Variants in ZSCAN5A observed in about 807,000 individuals in gnomAD.
The protein encoded by ZSCAN5A is zinc finger and SCAN domain-containing protein 5A.
A neutral mutation model predicts 23.7 loss-of-function variants in ZSCAN5A; 12 were observed. The observed-to-expected ratio is 0.51, with a 90% CI of 0.32 to 0.82. ZSCAN5A has a LOEUF of 0.82. ZSCAN5A is among the 40% of genes least tolerant of loss of function. ZSCAN5A has a pLI of 0.03. For synonymous variants in ZSCAN5A, 257 were observed against 239.9 expected (o/e 1.07, Z -0.66); for missense variants, 597 against 617.9 (o/e 0.97, Z 0.36).
intron 2 of ZSCAN5A, chr19:56,228,199 A>C (rs1600001459): frequency 2.0e-6 from 2 of 984,162 alleles, no homozygotes; most frequent in Non-Finnish European, 2.4e-6. Context: ...TCTGAAACCA[A>C]CCCCCGACAT....
intron 2 of ZSCAN5A, among the ~76,000 whole-genome samples, chr19:56,233,612 CTT>C (rs35551923): frequency 1.5e-3 from 204 of 135,416 alleles, no homozygotes; most frequent in Middle Eastern, 3.8e-3. Context: ...ATGAAATCAC[CTT>C]TTTTTTTTTT....
chr19:56,283,841 T>C (rs2038900299), intron 2 of ZSCAN5A: 2 of 152,242 alleles, frequency 1.3e-5, no homozygotes, highest in African/African-American at 2.4e-5. Context: ...GGACAGAGCT[T>C]GGCTCCTCTT....
intron 2 of ZSCAN5A, among the ~76,000 whole-genome samples, chr19:56,269,292 A>C (rs1205378213): frequency 6.6e-6 from 1 of 152,206 alleles, no homozygotes; most frequent in Admixed American, 6.5e-5. Context: ...ATATACTTTA[A>C]AACATTCACA....
At chr19:56,263,589 C>T (rs2037266598) in intron 2 of ZSCAN5A, 1 of 152,134 alleles carries the variant, frequency 6.6e-6, no homozygotes, top group African/African-American at 2.4e-5. Context: ...CAACTCTAGA[C>T]CCTGGATGTT....
At chr19:56,319,680 T>G, upstream of ZSCAN5A, 3 of 581,800 alleles carry the variant, frequency 5.2e-6, no homozygotes, top group Non-Finnish European at 3.1e-6. Context: ...TGTGCTTTTC[T>G]TTGTCCTTAA....
At chr19:56,294,009 C>T (rs1250072840) in intron 2 of ZSCAN5A, among the ~76,000 whole-genome samples, 1 of 152,230 alleles carries the variant, frequency 6.6e-6, no homozygotes. Context: ...GCAGGAGGCC[C>T]CTCTGCCTTG....
intron 1 of ZSCAN5A, chr19:56,314,251 T>A (rs893988714): frequency 5.3e-5 from 8 of 152,190 alleles, no homozygotes; most frequent in Non-Finnish European, 1.2e-4. Context: ...AGCACGAACC[T>A]GTAATCAAGG....
intron 2 of ZSCAN5A, among the ~76,000 whole-genome samples, chr19:56,256,474 A>C (rs2036699815): frequency 6.6e-6 from 1 of 152,220 alleles, no homozygotes; most frequent in Non-Finnish European, 1.5e-5. Context: ...CTGGGATTAC[A>C]GAGTAAGCCA....
intron 2 of ZSCAN5A, among the ~76,000 whole-genome samples, chr19:56,291,426 C>G (rs913427843): frequency 5.3e-5 from 8 of 152,204 alleles, no homozygotes; most frequent in African/African-American, 1.9e-4. Context: ...CACCCTGGGC[C>G]CCAGCCTATC....
At chr19:56,246,722 T>G (rs1260516758) in intron 2 of ZSCAN5A, 1 of 1,252,852 alleles carries the variant, frequency 8.0e-7, no homozygotes, top group Non-Finnish European at 1.2e-6. Context: ...GTGGAATCCC[T>G]TCTTCCAGCA....
chr19:56,234,976 A>C (rs1600035010), intron 2 of ZSCAN5A, among the ~76,000 whole-genome samples: 1 of 152,258 alleles, frequency 6.6e-6, no homozygotes, highest in East Asian at 1.9e-4. Flanking sequence ...ACTTGCAGCC[A>C]GTTCTAGGCA....
At chr19:56,256,607 A>T (rs910058833) in intron 2 of ZSCAN5A, among the ~76,000 whole-genome samples, 1 of 152,344 alleles carries the variant, frequency 6.6e-6, no homozygotes, top group Non-Finnish European at 1.5e-5. Flanking sequence ...ACAGACACGT[A>T]TTTTAAGATG....
At chr19:56,281,752 G>C in intron 2 of ZSCAN5A, 10 of 971,496 alleles carry the variant, frequency 1.0e-5, no homozygotes, top group Non-Finnish European at 1.2e-5. Flanking sequence ...CTTCAACCTA[G>C]AGAAGGAAGG....
intron 2 of ZSCAN5A, among the ~76,000 whole-genome samples, chr19:56,243,454 G>A (rs1016743504): frequency 3.9e-5 from 6 of 152,124 alleles, no homozygotes; most frequent in African/African-American, 1.4e-4. Flanking sequence ...TCCCTTCCCT[G>A]GAGCAAACAA....
intron 2 of ZSCAN5A, among the ~76,000 whole-genome samples, chr19:56,254,660 G>A (rs2036578506): frequency 6.6e-6 from 1 of 151,818 alleles, no homozygotes; most frequent in Non-Finnish European, 1.5e-5. Context: ...TTTGGGGGGG[G>A]CTGCCATGCT....
chr19:56,231,996 C>CTTT (rs59525392), intron 2 of ZSCAN5A, among the ~76,000 whole-genome samples: 5 of 124,976 alleles, frequency 4.0e-5, no homozygotes, highest in Middle Eastern at 9.8e-3. Flanking sequence ...TTTTTCTTTT[C>CTTT]TTTTTTTTTG....
intron 2 of ZSCAN5A, among the ~76,000 whole-genome samples, chr19:56,254,983 T>C (rs927863212): frequency 6.6e-6 from 1 of 152,142 alleles, no homozygotes; most frequent in Non-Finnish European, 1.5e-5. Flanking sequence ...CCCTATTCCA[T>C]TGGTTGCTTT....
rs539468122 is a variant in ZSCAN5A at position 56,285,017 on chromosome 19, A to G, written c.-128+28266T>C. On this transcript the variant is annotated intron_variant, in intron 2 of 5. Coordinates refer to ENST00000683990, the MANE Select transcript of ZSCAN5A (RefSeq NM_001322064.3). ...CCTCAGGTCTCATGAGCAGACTGTC[A>G]CCGGATGGTAAGTGTCAGGATTGTA... 3.0e-6 allele frequency: 3 copies of G among 985,368 alleles called. No homozygotes were observed. The Admixed American group carries it at 1.8e-4, about 60-fold the overall frequency. 61.0% of individuals were successfully genotyped at this position (985,368 alleles called of 1,614,324 possible).
rs534191038 is a variant in ZSCAN5A at position 56,310,920 on chromosome 19, T to C, written c.-128+2363A>G. ...ATGCCTTATTTTATCATCTGTAAAA[T>C]GGGGATAGTAACAGTAGGGTAGAAG... is the stretch of plus-strand genomic sequence containing the variant. On this transcript the variant is annotated intron_variant, in intron 2 of 5. Coordinates refer to ENST00000683990, the MANE Select transcript of ZSCAN5A (RefSeq NM_001322064.3). Among the ~76,000 whole-genome samples the C allele has an allele frequency of 6.6e-5, 10 of 152,310 alleles. No homozygotes were observed. In the East Asian group the frequency reaches 1.5e-3, roughly 23 times the overall value.
Sources: allele counts gnomAD v4.1 joint callset (sites outside exome capture counted in the v4.1 genomes callset), GRCh38; gene constraint gnomAD v4.1.1; transcripts MANE v1.5; gene names NCBI Gene and HGNC (gene_info 2026-07-23, HGNC 2026-07-21).